Variants in RPH3A observed in about 807,000 individuals in gnomAD.
RPH3A encodes the protein rabphilin-3A.
Under a neutral mutation model 102.2 loss-of-function variants are expected in RPH3A, and 48 were observed. The observed-to-expected ratio is 0.47, with a 90% CI of 0.37 to 0.60. RPH3A has a LOEUF of 0.60. Among genes scored for constraint, RPH3A ranks in the 20% least tolerant of loss-of-function variants. The pLI, the probability that RPH3A is intolerant of heterozygous loss-of-function variation, is 0.00. For synonymous variants in RPH3A, 310 were observed against 324.3 expected (o/e 0.96, Z 0.47); for missense variants, 781 against 910.1 (o/e 0.86, Z 1.83).
chr12:112,732,096 G>A lies in RPH3A; in HGVS notation c.-139-60047G>A, dbSNP rs151085572. 9.0e-4 allele frequency among the ~76,000 whole-genome samples: 137 copies of A among 152,186 alleles called. 1 individual carries two copies. Among genetic ancestry groups the A allele is most frequent in the African/African-American group, 3.2e-3 (133 of 41,514 alleles). ...AAATGACCTTTCTGATGATCTAATC[G>A]CAAACAAGCGTTTCTGGAGGCATGA... On this transcript the variant is annotated intron_variant, in intron 1 of 21. Coordinates refer to the RPH3A transcript ENST00000543106.
chr12:112,773,602 A>G (rs890590939), intron 1 of RPH3A, among the ~76,000 whole-genome samples: 1 of 151,036 alleles, frequency 6.6e-6, no homozygotes, highest in Middle Eastern at 3.2e-3. Context: ...TGCAGAGGGT[A>G]GGGGTGTATT....
intron 2 of RPH3A, among the ~76,000 whole-genome samples, chr12:112,792,866 T>C (rs1248620300): frequency 1.3e-5 from 2 of 152,152 alleles, no homozygotes; most frequent in African/African-American, 4.8e-5. Context: ...ACACTATGCC[T>C]GGGATGAGTG....
chr12:112,755,098 A>G (rs2040813200), intron 1 of RPH3A, among the ~76,000 whole-genome samples: 1 of 152,106 alleles, frequency 6.6e-6, no homozygotes, highest in Non-Finnish European at 1.5e-5. Flanking sequence ...GGGTCTTTTT[A>G]ATTAATTCTT....
At chr12:112,661,638 A>G (rs1444313341) in intron 1 of RPH3A, among the ~76,000 whole-genome samples, 1 of 152,216 alleles carries the variant, frequency 6.6e-6, no homozygotes, top group Non-Finnish European at 1.5e-5. Context: ...CTCTCATTCT[A>G]CAGATAGGCA....
intron 4 of RPH3A, among the ~76,000 whole-genome samples, chr12:112,846,685 G>A (rs2042233768): frequency 6.6e-6 from 1 of 152,200 alleles, no homozygotes; most frequent in Non-Finnish European, 1.5e-5. Context: ...TCCCTCATAG[G>A]GACAAGAATT....
chr12:112,848,103 G>C (rs531550805), intron 5 of RPH3A, among the ~76,000 whole-genome samples: 3 of 152,196 alleles, frequency 2.0e-5, no homozygotes, highest in Non-Finnish European at 2.9e-5. Context: ...TTCTTGGCTG[G>C]GGGTGCATTG....
At chr12:112,814,106 G>A (rs1478999769) in intron 2 of RPH3A, among the ~76,000 whole-genome samples, 2 of 151,640 alleles carry the variant, frequency 1.3e-5, no homozygotes, top group Non-Finnish European at 2.9e-5. Flanking sequence ...AGGGGAGGAT[G>A]TGGAGTGTGG....
At chr12:112,848,652 G>A (rs988821959) in intron 5 of RPH3A, among the ~76,000 whole-genome samples, 1 of 152,226 alleles carries the variant, frequency 6.6e-6, no homozygotes, top group Non-Finnish European at 1.5e-5. Context: ...GGAAGGAGGG[G>A]AAAGTGGGGC....
At chr12:112,628,045 C>A (rs890938362) in intron 1 of RPH3A, among the ~76,000 whole-genome samples, 9 of 152,080 alleles carry the variant, frequency 5.9e-5, no homozygotes, top group Non-Finnish European at 1.3e-4. Context: ...TGCAAGAACT[C>A]ACTCACTGTC....
intron 17 of RPH3A, among the ~76,000 whole-genome samples, chr12:112,889,640 T>G (rs1450308552): frequency 6.6e-6 from 1 of 152,164 alleles, no homozygotes; most frequent in East Asian, 1.9e-4. Flanking sequence ...AAGCACCTGG[T>G]GGGTCAGACC....
intron 1 of RPH3A, among the ~76,000 whole-genome samples, chr12:112,761,305 T>C (rs977083598): frequency 1.3e-5 from 2 of 152,214 alleles, no homozygotes; most frequent in Admixed American, 6.5e-5. Flanking sequence ...AATGTGTGCA[T>C]GCGTCTGTGT....
At chr12:112,825,776 C>T (rs2041859523) in intron 2 of RPH3A, among the ~76,000 whole-genome samples, 2 of 151,998 alleles carry the variant, frequency 1.3e-5, no homozygotes, top group South Asian at 4.2e-4. Context: ...AAGCTCTAAG[C>T]AAAGACACAA....
At chr12:112,589,376 GC>G (rs1592895736) in intron 1 of RPH3A, among the ~76,000 whole-genome samples, 1 of 152,106 alleles carries the variant, frequency 6.6e-6, no homozygotes, top group Non-Finnish European at 1.5e-5. Context: ...CTCTGCTCCT[GC>G]AACAAATAAA....
intron 1 of RPH3A, among the ~76,000 whole-genome samples, chr12:112,682,584 T>TG (rs1050779131): frequency 7.2e-5 from 11 of 152,076 alleles, no homozygotes; most frequent in Admixed American, 5.9e-4. Flanking sequence ...CTTTCTTTCT[T>TG]GGGGGGGATT....
chr12:112,829,527 C>T (rs935982227), intron 3 of RPH3A, among the ~76,000 whole-genome samples: 3 of 152,180 alleles, frequency 2.0e-5, no homozygotes, highest in Admixed American at 6.5e-5. Flanking sequence ...CTGCCTTGGC[C>T]TCCCAAAGTG....
At chr12:112,758,625 A>G (rs569407554) in intron 1 of RPH3A, among the ~76,000 whole-genome samples, 293 of 152,348 alleles carry the variant, frequency 1.9e-3, no homozygotes, top group Non-Finnish European at 3.7e-3. Context: ...AATTTTACCA[A>G]TAAATGAGAG....
chr12:112,598,857 TA>T (rs2039537171), intron 1 of RPH3A, among the ~76,000 whole-genome samples: 1 of 152,226 alleles, frequency 6.6e-6, no homozygotes, highest in Admixed American at 6.5e-5. Flanking sequence ...GGAAGAGGTT[TA>T]AAACAAAAGT....
chr12:112,585,128 C>G (rs1859245), intron 1 of RPH3A, among the ~76,000 whole-genome samples: 17,022 of 152,224 alleles, frequency 0.11, 1,111 homozygotes, highest in South Asian at 0.34. Context: ...GAGAAAGATG[C>G]AGGCTGGAAG....
intron 1 of RPH3A, among the ~76,000 whole-genome samples, chr12:112,669,550 A>G (rs1196407281): frequency 1.3e-5 from 2 of 152,244 alleles, no homozygotes; most frequent in Non-Finnish European, 2.9e-5. Flanking sequence ...GCAAGGAAAT[A>G]GAGTAAAAAG....
Sources: allele counts gnomAD v4.1 joint callset (sites outside exome capture counted in the v4.1 genomes callset), GRCh38; gene constraint gnomAD v4.1.1; transcripts MANE v1.5; gene names NCBI Gene and HGNC (gene_info 2026-07-23, HGNC 2026-07-21).